SEL1L2: variants seen among roughly 807,000 people sequenced by gnomAD.
SEL1L2 encodes the protein protein sel-1 homolog 2.
A neutral mutation model predicts 98.8 loss-of-function variants in SEL1L2; 89 were observed. The ratio of observed to expected loss-of-function variants is 0.90; its 90% CI spans 0.76 to 1.07. The LOEUF (loss-of-function observed/expected upper bound fraction) is 1.07, where lower values mean the gene tolerates loss of function less well. SEL1L2 is among the 50% of genes least tolerant of loss of function. The pLI is 0.00. For missense variants in SEL1L2, 788 were observed against 812.0 expected, an observed-to-expected ratio of 0.97 and a Z score of 0.36; for synonymous variants, 262 against 278.5, an observed-to-expected ratio of 0.94 and a Z score of 0.59.
At chr20:13,955,328 G>T (rs2050478731) in intron 2 of SEL1L2, among the ~76,000 whole-genome samples, 3 of 152,010 alleles carry the variant, frequency 2.0e-5, no homozygotes, top group Non-Finnish European at 4.4e-5. Context: ...TTTAGAGAAG[G>T]TCCAGGGAAG....
intron 5 of SEL1L2, among the ~76,000 whole-genome samples, chr20:13,899,359 T>C (rs1025479322): frequency 2.6e-5 from 4 of 152,214 alleles, no homozygotes; most frequent in Admixed American, 6.5e-5. Context: ...GTTTACTAAC[T>C]TTTAGAATCA....
At chr20:13,959,239 C>T (rs1287579328) in intron 1 of SEL1L2, among the ~76,000 whole-genome samples, 5 of 152,060 alleles carry the variant, frequency 3.3e-5, no homozygotes, top group East Asian at 1.9e-4. Context: ...TGATGGGCAA[C>T]GAAAAGGGGA....
Position 13,886,433 on chromosome 20 carries a change from G to A in SEL1L2, c.755C>T (p.Thr252Ile). The change falls in exon 9 of 20, where the codon ACA becomes ATA. Residue 252 changes from threonine to isoleucine, a missense_variant. Physicochemically the swap from Thr to Ile is moderately conservative, Grantham distance 89 (BLOSUM62 -1). Transcript: ENST00000284951. ...TGGAACACCTTCACTTTTTTCAAAT[G>A]TGTCAGCAACTGTGAATAAAAACAA... Reference protein sequence around the residue: ...YKKVADYIADTFEKSEGVPVE... With the variant: ...YKKVADYIADIFEKSEGVPVE... 4 of 1,613,376 alleles carry A rather than the reference G, an allele frequency of 2.5e-6. No homozygotes were observed. The highest frequency in any genetic ancestry group is 3.4e-6 in the Non-Finnish European group (4 of 1,179,834).
At chr20:13,944,396 G>C (rs964093625) in intron 2 of SEL1L2, among the ~76,000 whole-genome samples, 1 of 152,256 alleles carries the variant, frequency 6.6e-6, no homozygotes, top group African/African-American at 2.4e-5. Flanking sequence ...TGAGCTGGTG[G>C]AGTAGTTAAA....
Position 13,849,598 on chromosome 20 carries a change from T to C in SEL1L2, c.1954A>G (p.Thr652Ala), listed in dbSNP as rs1252100680. 1.2e-6 allele frequency: 2 copies of C among 1,613,828 alleles called. No homozygotes were observed. The highest frequency in any genetic ancestry group is 1.1e-5 in the South Asian group (1 of 91,040). The change falls in exon 20 of 20, where the codon ACG (threonine) becomes GCG (alanine). Residue 652 changes from threonine to alanine, a missense_variant. Coordinates refer to ENST00000284951, the MANE Select transcript of SEL1L2 (RefSeq NM_025229.2). Reference sequence around the variant, plus strand: ...TCCAGTTTCAGCCAGTTCCATCTCGTTGTGAACTGCTGGCAAGAGACATTC... The same window carrying C: ...TCCAGTTTCAGCCAGTTCCATCTCGCTGTGAACTGCTGGCAAGAGACATTC... Reference protein sequence around the residue: ...LRDILFFNFTTRWNWLKLDNT... With the variant: ...LRDILFFNFTARWNWLKLDNT...
chr20:13,956,080 G>A lies in SEL1L2; in HGVS notation c.110C>T (p.Thr37Ile). ...AAGATTTAGCAAAATATTTACCTGT[G>A]TGGTGACATTTCTTTCCTTTTGTCT... ...NKRQKERNVT[T>I]QVSVNEIKQY... The change falls in exon 2 of 20, where the codon ACA (threonine) becomes ATA (isoleucine). Residue 37 changes from threonine to isoleucine, a missense_variant. Thr to Ile is a moderately conservative substitution (Grantham distance 89). Coordinates refer to ENST00000284951, the MANE Select transcript of SEL1L2 (RefSeq NM_025229.2). 2.0e-5 allele frequency: 31 copies of A among 1,556,804 alleles called. No homozygotes were observed. Among genetic ancestry groups the A allele is most frequent in the Non-Finnish European group, 2.6e-5 (30 of 1,140,402 alleles).
chr20:13,994,695 G>A (rs2052600715), upstream of SEL1L2, among the ~76,000 whole-genome samples: 1 of 152,182 alleles, frequency 6.6e-6, no homozygotes, highest in Non-Finnish European at 1.5e-5. Flanking sequence ...AATCAAGCCA[G>A]CTTTTTGGAC....
intron 12 of SEL1L2, among the ~76,000 whole-genome samples, chr20:13,874,451 G>A (rs577417583): frequency 7.9e-5 from 12 of 152,198 alleles, no homozygotes; most frequent in East Asian, 5.8e-4. Context: ...TCAGCGCACC[G>A]GAGACCCAGA....
intron 1 of SEL1L2, among the ~76,000 whole-genome samples, chr20:13,974,032 T>A (rs1171173841): frequency 6.6e-6 from 1 of 152,234 alleles, no homozygotes; most frequent in African/African-American, 2.4e-5. Context: ...GGTCTCTTAT[T>A]ATACTTCTCA....
upstream of SEL1L2, among the ~76,000 whole-genome samples, chr20:13,991,262 A>T (rs150439018): frequency 1.1e-3 from 175 of 152,206 alleles, no homozygotes; most frequent in African/African-American, 3.9e-3. Context: ...AAAATATCCA[A>T]CTTTTACAGT....
chr20:13,919,252 A>C, intron 3 of SEL1L2, 129 bp from the exon 4 acceptor site: 1 of 592,814 alleles, frequency 1.7e-6, no homozygotes, highest in South Asian at 2.5e-5. Context: ...CTCTGCATTC[A>C]AGAAGATCTG....
chr20:13,885,498 T>C, intron 9 of SEL1L2, 95 bp from the exon 10 acceptor site: 1 of 818,718 alleles, frequency 1.2e-6, no homozygotes. Context: ...ATGTTGATTG[T>C]TGGACACGTT....
chr20:13,877,848 C>G (rs545061383), intron 10 of SEL1L2, among the ~76,000 whole-genome samples: 22 of 152,276 alleles, frequency 1.4e-4, no homozygotes, highest in African/African-American at 5.1e-4. Flanking sequence ...TTGCTTCTTA[C>G]ATTTGGAAAG....
chr20:13,869,505 T>C lies in SEL1L2; in HGVS notation c.1253A>G (p.Tyr418Cys). Residue 418 changes from tyrosine to cysteine, a missense_variant and splice_region_variant, in exon 14 of 20, where the codon TAC becomes TGC. By Grantham distance (194) the Tyr-to-Cys change is radical. Transcript: ENST00000284951. ...GCAGCTGTATTTGTGGCACTTACAG[T>C]AGTACATGAAGCCTAACTGGAACTG... ...DAQFQLGFMYYSGSGIWKDYK... is the reference protein window; with the variant it reads ...DAQFQLGFMYCSGSGIWKDYK... 6.2e-7 allele frequency: 1 copy of C among 1,611,484 alleles called. No homozygotes were observed. Among genetic ancestry groups the C allele is most frequent in the Non-Finnish European group, 8.5e-7 (1 of 1,177,548 alleles).
chr20:13,886,369 C>T lies in SEL1L2; in HGVS notation c.819G>A (p.Leu273=). The change falls in exon 9 of 20, where the codon CTG becomes CTA. Residue 273 remains leucine, a synonymous_variant. Transcript: ENST00000284951. Reference sequence around the variant, plus strand: ...AATCCAAAATCTCACTGTTAGAACTCAGATTTTCAGGTCTTTCCGTTAGTC... The same window carrying T: ...AATCCAAAATCTCACTGTTAGAACTTAGATTTTCAGGTCTTTCCGTTAGTC... ...KVRLTERPEN[L]SSNSEILDWD... 6.2e-7 allele frequency: 1 copy of T among 1,613,490 alleles called. No individual in the cohort carries two copies. Among genetic ancestry groups the T allele is most frequent in the Non-Finnish European group, 8.5e-7 (1 of 1,179,482 alleles).
chr20:13,920,224 T>TC (rs2048594792), intron 3 of SEL1L2, among the ~76,000 whole-genome samples: 1 of 43,498 alleles, frequency 2.3e-5, no homozygotes, highest in Non-Finnish European at 5.3e-5. Flanking sequence ...CGAGACTCCG[T>TC]CCCAAAAAAA....
intron 17 of SEL1L2, among the ~76,000 whole-genome samples, chr20:13,863,901 C>T (rs1489172831): frequency 2.0e-5 from 3 of 148,760 alleles, no homozygotes; most frequent in Admixed American, 6.8e-5. Flanking sequence ...ACCCAGGAGG[C>T]GGAGGTTGCA....
Position 13,885,358 on chromosome 20 carries a change from G to T in SEL1L2, c.946C>A (p.Gln316Lys). The change falls in exon 10 of 20, where the codon CAG (glutamine) becomes AAG (lysine). Residue 316 changes from glutamine to lysine, a missense_variant. Physicochemically the swap from Gln to Lys is moderately conservative, Grantham distance 53. Coordinates refer to ENST00000284951, the MANE Select transcript of SEL1L2 (RefSeq NM_025229.2). The part of the protein sequence containing the change: ...LHLIGRKGLD[Q>K]DYYKALHYFL... ...TGAGATTGACTTACGTAGTAATCCTGATCTAGACCTTTCCTGCCAATTAGA... is the reference window on the plus strand; with the variant it reads ...TGAGATTGACTTACGTAGTAATCCTTATCTAGACCTTTCCTGCCAATTAGA... 1 of 1,601,030 alleles carries T rather than the reference G, an allele frequency of 6.2e-7. No individual in the cohort carries two copies. The highest frequency in any genetic ancestry group is 1.1e-5 in the South Asian group (1 of 90,762).
chr20:13,902,987 C>A (rs545337887), intron 5 of SEL1L2, among the ~76,000 whole-genome samples: 2 of 151,622 alleles, frequency 1.3e-5, no homozygotes, highest in Non-Finnish European at 1.5e-5. Flanking sequence ...CCACTGGTAG[C>A]GGGGGCTGTA....
Sources: gnomAD v4.1 joint callset for allele counts (sites outside exome capture counted in the v4.1 genomes callset) on GRCh38, gnomAD v4.1.1 for gene constraint, MANE v1.5 for transcripts, NCBI Gene and HGNC (gene_info 2026-07-23, HGNC 2026-07-21) for gene names.